Variants in TBC1D23 observed in about 807,000 individuals in gnomAD.
The protein encoded by TBC1D23 is HCV non-structural protein 4A-transactivated protein 1.
TBC1D23 carries 55 observed loss-of-function variants against 91.4 expected under a neutral mutation model. The observed-to-expected ratio is 0.60, with a 90% CI of 0.48 to 0.75. The LOEUF (loss-of-function observed/expected upper bound fraction) is 0.75. Ranked by LOEUF, TBC1D23 falls within the 30% of genes least tolerant of loss-of-function variation. The probability of loss-of-function intolerance (pLI) is 0.00; values close to 1 mark genes in which losing one functional copy is unlikely to be tolerated. For missense variants in TBC1D23, 725 were observed against 836.1 expected (o/e 0.87, Z 1.64); for synonymous variants, 289 against 281.0 (o/e 1.03, Z -0.28).
At chr3:100,266,274 ATT>A (rs765539211) in intron 1 of TBC1D23, among the ~76,000 whole-genome samples, 2 of 146,468 alleles carry the variant, frequency 1.4e-5, no homozygotes, top group African/African-American at 2.5e-5. Flanking sequence ...TTTAAAGGTA[ATT>A]TTTTTTTTTT....
At chr3:100,298,306 A>G (rs1705344742) in intron 9 of TBC1D23, among the ~76,000 whole-genome samples, 1 of 149,920 alleles carries the variant, frequency 6.7e-6, no homozygotes, top group Non-Finnish European at 1.5e-5. Context: ...TCTTTTTTCC[A>G]TATTTCAGTA....
intron 3 of TBC1D23, among the ~76,000 whole-genome samples, chr3:100,282,929 C>T (rs1403335312): frequency 2.0e-5 from 3 of 152,100 alleles, no homozygotes; most frequent in Non-Finnish European, 4.4e-5. Context: ...TCAGGTATTA[C>T]TAAGTGCTAA....
In TBC1D23 at chr3:100,302,167, T is replaced by C; in HGVS notation, c.1193T>C (p.Leu398Pro). 1 of 1,614,032 alleles carries C rather than the reference T, an allele frequency of 6.2e-7. No individual in the cohort carries two copies. Among genetic ancestry groups the C allele is most frequent in the Non-Finnish European group, 8.5e-7 (1 of 1,179,946 alleles). ...GGCTCCATAGCTGGTGGGGAGCACC[T>C]CTGTTTTATGGGCAGTGGCAGGGAG... The part of the protein sequence containing the change: ...ESGSIAGGEH[L>P]CFMGSGREEE... Residue 398 changes from leucine (L) to proline (P), a missense_variant, in exon 11 of 19, where the codon CTC becomes CCC. Coordinates refer to ENST00000394144, the MANE Select transcript of TBC1D23 (RefSeq NM_001199198.3).
At position 100,283,659 on chromosome 3, in the gene TBC1D23, A is replaced by G. The variant is rs540028785; in HGVS notation, c.324A>G (p.Glu108=). The change falls in exon 4 of 19, where the codon GAA becomes GAG. Residue 108 remains glutamate, a synonymous_variant. Transcript: ENST00000394144. ...EKAAELLLDI[E]SVITFYCKSR... ...CAGCAGAATTACTTTTGGATATTGA[A>G]TCTGTAATTACCTTTTATTGTAAAT... 4.3e-4 allele frequency: 693 copies of G among 1,613,828 alleles called. 1 individual carries two copies. Among genetic ancestry groups the G allele is most frequent in the Non-Finnish European group, 5.4e-4 (634 of 1,179,752 alleles).
At chr3:100,322,201 C>A (rs553990831) in intron 18 of TBC1D23, among the ~76,000 whole-genome samples, 1 of 152,266 alleles carries the variant, frequency 6.6e-6, no homozygotes, top group African/African-American at 2.4e-5. Context: ...TCACACCATT[C>A]TCCCTGCCTC....
intron 1 of TBC1D23, among the ~76,000 whole-genome samples, chr3:100,277,947 T>C (rs2067664070): frequency 1.3e-5 from 2 of 152,234 alleles, no homozygotes; most frequent in South Asian, 4.1e-4. Context: ...TGTGTGGTTA[T>C]TAGTTATCTT....
intron 13 of TBC1D23, among the ~76,000 whole-genome samples, chr3:100,307,310 A>G (rs2148867117): frequency 6.6e-6 from 1 of 152,354 alleles, no homozygotes; most frequent in South Asian, 2.1e-4. Context: ...GGAAAACTGC[A>G]GTACAAGGTC....
chr3:100,321,564 T>C (rs1705858577), intron 18 of TBC1D23, among the ~76,000 whole-genome samples: 1 of 152,226 alleles, frequency 6.6e-6, no homozygotes, highest in African/African-American at 2.4e-5. Flanking sequence ...AAATATAGCC[T>C]TCCTGACTCC....
chr3:100,274,928 A>G (rs1208434199), intron 1 of TBC1D23, among the ~76,000 whole-genome samples: 32 of 141,144 alleles, frequency 2.3e-4, no homozygotes, highest in African/African-American at 7.9e-4. Flanking sequence ...TTCATCCCTC[A>G]GTGAACGGAC....
At chr3:100,267,549 C>T (rs769868675) in intron 1 of TBC1D23, among the ~76,000 whole-genome samples, 5 of 152,046 alleles carry the variant, frequency 3.3e-5, no homozygotes, top group Admixed American at 6.5e-5. Context: ...TTACATTAAA[C>T]TAGTTGTTAT....
chr3:100,310,514 A>G lies in TBC1D23; in HGVS notation c.1525A>G (p.Ile509Val). 1 of 1,613,644 alleles carries G rather than the reference A, an allele frequency of 6.2e-7. No individual in the cohort carries two copies. The highest frequency in any genetic ancestry group is 8.5e-7 in the Non-Finnish European group (1 of 1,179,726). ...VNVREKVISF[I>V]ENTSTPVDRM... Reference sequence around the variant, plus strand: ...TGTCAGGGAAAAAGTTATCAGTTTTATAGAGAATACATCAACTCCTGTGGA... The same window carrying G: ...TGTCAGGGAAAAAGTTATCAGTTTTGTAGAGAATACATCAACTCCTGTGGA... The change falls in exon 14 of 19, where the codon ATA (isoleucine) becomes GTA (valine). Residue 509 changes from isoleucine (I) to valine (V), a missense_variant. By Grantham distance (29) the Ile-to-Val change is conservative (BLOSUM62 3). Coordinates refer to ENST00000394144, the MANE Select transcript of TBC1D23 (RefSeq NM_001199198.3).
chr3:100,321,479 A>AT lies in TBC1D23; in HGVS notation c.2018+510dup, dbSNP rs552580321. 4.7e-3 allele frequency among the ~76,000 whole-genome samples: 711 copies of AT among 152,258 alleles called. 2 individuals are homozygous for AT. Among genetic ancestry groups the AT allele is most frequent in the Non-Finnish European group, 6.4e-3 (432 of 68,016 alleles). On this transcript the variant is annotated intron_variant, in intron 18 of 18. Transcript: ENST00000394144. Reference sequence around the variant, plus strand: ...GATATTGATACTAAACCATTTTTTAATTATAGATAAAAATATGAAGCCCAG... The same window carrying AT: ...GATATTGATACTAAACCATTTTTTAATTTATAGATAAAAATATGAAGCCCAG...
At chr3:100,302,276 T>A in intron 11 of TBC1D23, 39 bp downstream of exon 11, 1 of 1,514,148 alleles carries the variant, frequency 6.6e-7, no homozygotes, top group Non-Finnish European at 8.9e-7. Flanking sequence ...GTTTGGTTAA[T>A]GTTATCACCT....
chr3:100,264,586 CA>C (rs1218201633), intron 1 of TBC1D23, among the ~76,000 whole-genome samples: 11 of 152,154 alleles, frequency 7.2e-5, no homozygotes, highest in African/African-American at 2.7e-4. Flanking sequence ...CCTATCTAGA[CA>C]AATTGTTGCT....
In TBC1D23 at chr3:100,310,419, G is replaced by A. The variant is rs759129263; in HGVS notation, c.1430G>A (p.Gly477Asp). 4.3e-6 allele frequency: 7 copies of A among 1,612,392 alleles called. No individual in the cohort carries two copies. In the Admixed American group the frequency reaches 1.2e-4, roughly 27 times the overall value. The change falls in exon 14 of 19, where the codon GGC becomes GAC. Residue 477 changes from glycine to aspartate, a missense_variant. By Grantham distance (94) the Gly-to-Asp change is moderately conservative. Coordinates refer to ENST00000394144, the MANE Select transcript of TBC1D23 (RefSeq NM_001199198.3). ...TTTTTTTAGGGTGAATCTCCTAATG[G>A]CTCAAGTGATAGAGGAATGAAATCA... ...INSVDGESPN[G>D]SSDRGMKSLV...
intron 9 of TBC1D23, among the ~76,000 whole-genome samples, chr3:100,298,743 G>A (rs1042373491): frequency 4.6e-5 from 7 of 152,098 alleles, no homozygotes; most frequent in Non-Finnish European, 8.8e-5. Flanking sequence ...ATGAAAACAT[G>A]TTATCCAGTT....
rs1576186989 is a variant in TBC1D23 at position 100,316,095 on chromosome 3, A to G, written c.1599-4A>G. ...ATTTCTCTCCTAAAATTCTTTGAAT[A>G]TAGGCATGTGAGCAGCAGTGACAGA... On this transcript the variant is annotated splice_region_variant and splice_polypyrimidine_tract_variant and intron_variant, in intron 15 of 18. Coordinates refer to ENST00000394144, the MANE Select transcript of TBC1D23 (RefSeq NM_001199198.3). The G allele has an allele frequency of 1.2e-6, 2 of 1,609,370 alleles. No individual in the cohort carries two copies. The highest frequency in any genetic ancestry group is 4.5e-5 in the East Asian group (2 of 44,846).
intron 1 of TBC1D23, among the ~76,000 whole-genome samples, chr3:100,275,271 T>C (rs970642443): frequency 5.9e-5 from 9 of 152,072 alleles, no homozygotes; most frequent in Admixed American, 1.3e-4. Context: ...TGTTTGCTTT[T>C]TGAGACAAGG....
intron 10 of TBC1D23, among the ~76,000 whole-genome samples, chr3:100,301,481 T>C (rs893378626): frequency 2.0e-5 from 3 of 152,262 alleles, no homozygotes; most frequent in Non-Finnish European, 4.4e-5. Context: ...TGCTTTTCTA[T>C]ATGATCTGTC....
Sources: gnomAD v4.1 joint callset for allele counts (sites outside exome capture counted in the v4.1 genomes callset) on GRCh38, gnomAD v4.1.1 for gene constraint, MANE v1.5 for transcripts, NCBI Gene and HGNC (gene_info 2026-07-23, HGNC 2026-07-21) for gene names.